The following GABRB3 variants were observed in gnomAD, a reference collection of about 807,000 sequenced individuals.
GABRB3 encodes gamma-aminobutyric acid receptor subunit beta-3.
Under a neutral mutation model 52.1 loss-of-function variants are expected in GABRB3, and 14 were observed. That is an observed-to-expected ratio of 0.27 (90% CI 0.18 to 0.42). The LOEUF (loss-of-function observed/expected upper bound fraction) is 0.42, where lower values mean the gene tolerates loss of function less well. Among genes scored for constraint, GABRB3 ranks in the 10% least tolerant of loss-of-function variants. The pLI, the probability that GABRB3 is intolerant of heterozygous loss-of-function variation, is 1.00. For synonymous variants in GABRB3, 260 were observed against 232.3 expected (o/e 1.12, Z -1.08); for missense variants, 307 against 609.1 (o/e 0.50, Z 5.22).
chr15:26,620,547 G>A (rs1422590621), intron 4 of GABRB3, among the ~76,000 whole-genome samples: 1 of 152,184 alleles, frequency 6.6e-6, no homozygotes. Flanking sequence ...TTTAGGCCAG[G>A]AGAGCAAGAA....
chr15:26,555,939 C>T (rs1889735144), intron 8 of GABRB3, among the ~76,000 whole-genome samples: 1 of 152,004 alleles, frequency 6.6e-6, no homozygotes, highest in African/African-American at 2.4e-5. Context: ...TAAAGGGTTA[C>T]TAAAAATCTG....
intron 3 of GABRB3, among the ~76,000 whole-genome samples, chr15:26,712,764 C>G (rs552055242): frequency 1.3e-5 from 2 of 152,028 alleles, no homozygotes; most frequent in Non-Finnish European, 2.9e-5. Flanking sequence ...ACGGCCACCT[C>G]GGGAAGGTGG....
At chr15:26,773,620 G>A, upstream of GABRB3, 4 of 1,543,092 alleles carry the variant, frequency 2.6e-6, no homozygotes, top group Non-Finnish European at 3.5e-6. Flanking sequence ...GGTGCCTGCA[G>A]AACGCCGGGA....
At position 26,768,696 on chromosome 15, in the gene GABRB3, G is replaced by A. The variant is rs78872826; in HGVS notation, c.240+3706C>T. Among the ~76,000 whole-genome samples the A allele has an allele frequency of 4.7e-3, 721 of 151,998 alleles. 20 individuals are homozygous for A. Among genetic ancestry groups the A allele is most frequent in the Admixed American group, 0.036 (542 of 15,258 alleles). On this transcript the variant is annotated intron_variant, in intron 3 of 8. Coordinates refer to ENST00000311550, the MANE Select transcript of GABRB3 (RefSeq NM_000814.6). ...ACTAAATCTCAATAATTATCTAGCC[G>A]TGTATAATTTTTATAGATTATCTAA...
chr15:26,654,532 A>G (rs530902874), intron 3 of GABRB3, among the ~76,000 whole-genome samples: 30 of 152,200 alleles, frequency 2.0e-4, no homozygotes, highest in African/African-American at 7.0e-4. Flanking sequence ...AGGCAGGAGG[A>G]CTGCTTGAGG....
intron 3 of GABRB3, among the ~76,000 whole-genome samples, chr15:26,644,442 C>G (rs865897876): frequency 6.6e-6 from 1 of 152,074 alleles, no homozygotes; most frequent in South Asian, 2.1e-4. Flanking sequence ...GAGAAGGCCT[C>G]GTGAAGGAGG....
At position 26,564,339 on chromosome 15, in the gene GABRB3, G is replaced by A. The variant is rs558800581; in HGVS notation, c.836-3163C>T. Among the ~76,000 whole-genome samples the A allele has an allele frequency of 7.0e-4, 107 of 152,274 alleles. No homozygotes were observed. The Middle Eastern group carries it at 0.01, about 15-fold the overall frequency. ...CTTCCCACTTTAAAGTTTGGTGGTC[G>A]TTAACGCTAACAGTTCAATGTATCT... On this transcript the variant is annotated intron_variant, in intron 7 of 8. Transcript: ENST00000311550.
At chr15:26,727,372 A>T (rs924487569) in intron 3 of GABRB3, among the ~76,000 whole-genome samples, 2 of 152,152 alleles carry the variant, frequency 1.3e-5, no homozygotes, top group African/African-American at 4.8e-5. Flanking sequence ...AGTTTATTCT[A>T]TGGAATACTT....
At chr15:26,646,504 A>G (rs748847477) in intron 3 of GABRB3, among the ~76,000 whole-genome samples, 4 of 152,220 alleles carry the variant, frequency 2.6e-5, no homozygotes, top group Non-Finnish European at 4.4e-5. Flanking sequence ...GAAATTGTGA[A>G]TAGTGCTGCT....
chr15:26,553,695 A>G (rs2140658562), intron 8 of GABRB3, among the ~76,000 whole-genome samples: 1 of 152,142 alleles, frequency 6.6e-6, no homozygotes, highest in Non-Finnish European at 1.5e-5. Flanking sequence ...GGATTGTTCG[A>G]GACCATTCAT....
At chr15:26,624,510 C>A in intron 3 of GABRB3, 2 of 985,458 alleles carry the variant, frequency 2.0e-6, no homozygotes, top group Non-Finnish European at 2.4e-6. Context: ...TCACTCACAG[C>A]CTGACAGCTC....
chr15:26,752,913 A>G (rs1266831916), intron 3 of GABRB3, among the ~76,000 whole-genome samples: 1 of 152,194 alleles, frequency 6.6e-6, no homozygotes, highest in Non-Finnish European at 1.5e-5. Flanking sequence ...CTTGAAGATT[A>G]GGTCCTCTTC....
intron 3 of GABRB3, among the ~76,000 whole-genome samples, chr15:26,726,055 G>GGTGT: frequency 6.6e-6 from 1 of 152,230 alleles, no homozygotes; most frequent in South Asian, 2.1e-4. Flanking sequence ...GGGAAATCTG[G>GGTGT]GTGTGCTGGG....
At position 26,717,479 on chromosome 15, in the gene GABRB3, C is replaced by CT. The variant is rs537802276; in HGVS notation, c.240+54922dup. Among the ~76,000 whole-genome samples the CT allele has an allele frequency of 4.2e-3, 638 of 152,354 alleles. 2 individuals are homozygous for CT. Among genetic ancestry groups the CT allele is most frequent in the Non-Finnish European group, 6.8e-3 (461 of 68,026 alleles). On this transcript the variant is annotated intron_variant, in intron 3 of 8. Transcript: ENST00000311550. ...ACCACACATCCTAGCACTTCGATTACTTACCCATCACCAAAACAGTAACAT... is the reference window on the plus strand; with the variant it reads ...ACCACACATCCTAGCACTTCGATTACTTTACCCATCACCAAAACAGTAACAT...
At chr15:26,773,079 A>AGGAGGGCGGAGGG, upstream of GABRB3, 1 of 996,456 alleles carries the variant, frequency 1.0e-6, no homozygotes, top group African/African-American at 1.8e-5. Flanking sequence ...CCCGGAGCGG[A>AGGAGGGCGGAGGG]GGAGGGCGGA....
At chr15:26,635,269 G>C (rs548148177) in intron 3 of GABRB3, among the ~76,000 whole-genome samples, 5 of 151,864 alleles carry the variant, frequency 3.3e-5, no homozygotes, top group Admixed American at 1.3e-4. Context: ...TACCCCTGGA[G>C]ACTGGCGAGT....
At chr15:26,567,532 A>G in intron 7 of GABRB3, 49 bp downstream of exon 7, 1 of 1,580,494 alleles carries the variant, frequency 6.3e-7, no homozygotes, top group Non-Finnish European at 8.7e-7. Context: ...TTAATACTGT[A>G]ATGATACGGT....
Position 26,772,940 on chromosome 15 carries a change from C to T in GABRB3, c.23G>A (p.Arg8Lys). MWGLAGG[R>K]LFGIFSAPVL... Reference sequence around the variant, plus strand: ...CGGGGCCGAGAAGATGCCGAAAAGCCTTCCTCCCGCAAGGCCCCACATCCC... The same window carrying T: ...CGGGGCCGAGAAGATGCCGAAAAGCTTTCCTCCCGCAAGGCCCCACATCCC... Residue 8 changes from arginine to lysine, a missense_variant, in exon 1 of 9, where the codon AGG (arginine) becomes AAG (lysine). By Grantham distance (26) the Arg-to-Lys change is conservative. Transcript: ENST00000311550. 6.7e-7 allele frequency: 1 copy of T among 1,481,616 alleles called. No individual in the cohort carries two copies. Among genetic ancestry groups the T allele is most frequent in the Non-Finnish European group, 9.0e-7 (1 of 1,113,660 alleles). The allele number at this position is 1,481,616 out of a possible 1,614,324, so 91.8% of individuals were successfully genotyped here.
chr15:26,667,560 A>C (rs555300310), intron 3 of GABRB3, among the ~76,000 whole-genome samples: 1 of 152,338 alleles, frequency 6.6e-6, no homozygotes, highest in Admixed American at 6.5e-5. Context: ...AATCAGGTTT[A>C]TTTTAAATTC....
Sources: allele counts gnomAD v4.1 joint callset (sites outside exome capture counted in the v4.1 genomes callset), GRCh38; gene constraint gnomAD v4.1.1; transcripts MANE v1.5; gene names NCBI Gene and HGNC (gene_info 2026-07-23, HGNC 2026-07-21).